GALNT13: variants seen among roughly 807,000 people sequenced by gnomAD.
GALNT13 encodes the protein UDP-GalNAc:polypeptide N-acetylgalactosaminyltransferase 13.
GALNT13 carries 28 observed loss-of-function variants against 64.2 expected under a neutral mutation model. The ratio of observed to expected loss-of-function variants is 0.44; its 90% CI spans 0.32 to 0.60. The LOEUF is 0.60. Among genes scored for constraint, GALNT13 ranks in the 20% least tolerant of loss-of-function variants. GALNT13 has a pLI of 0.05. For synonymous variants in GALNT13, 214 were observed against 224.6 expected (o/e 0.95, Z 0.42); for missense variants, 577 against 669.8 (o/e 0.86, Z 1.53).
At chr2:153,612,634 A>AAC in the GALNT13 span, among the ~76,000 whole-genome samples, 151 of 152,170 alleles carry the variant, frequency 9.9e-4, 1 homozygote, top group South Asian at 0.019. Context: ...TAAGAAAACA[A>AAC]AGAAAAAAAG....
At chr2:153,473,638 G>A in the GALNT13 span, among the ~76,000 whole-genome samples, 1 of 152,180 alleles carries the variant, frequency 6.6e-6, no homozygotes, top group Non-Finnish European at 1.5e-5. Context: ...CTGCAGACTT[G>A]CTGCTTCCAC....
At chr2:154,384,361 C>T (rs1227957912) in intron 9 of GALNT13, among the ~76,000 whole-genome samples, 1 of 151,604 alleles carries the variant, frequency 6.6e-6, no homozygotes, top group Non-Finnish European at 1.5e-5. Context: ...AATAAAGACA[C>T]CTATTTAACT....
intron 3 of GALNT13, among the ~76,000 whole-genome samples, chr2:154,113,221 A>T (rs1703086359): frequency 2.6e-4 from 1 of 3,774 alleles, no homozygotes; most frequent in Non-Finnish European, 4.6e-4. Context: ...TGATCCACCT[A>T]TGGGGGCCTG....
the GALNT13 span, among the ~76,000 whole-genome samples, chr2:153,649,546 AT>A: frequency 1.4e-5 from 2 of 146,620 alleles, no homozygotes; most frequent in African/African-American, 5.1e-5. Context: ...AGTTCTTTTA[AT>A]TGTGATGTTA....
At chr2:154,084,520 G>T (rs1182650809) in intron 3 of GALNT13, among the ~76,000 whole-genome samples, 3 of 151,760 alleles carry the variant, frequency 2.0e-5, no homozygotes, top group Non-Finnish European at 4.4e-5. Flanking sequence ...AGTCTACTTG[G>T]AAACATATTT....
At chr2:153,550,375 C>T in the GALNT13 span, among the ~76,000 whole-genome samples, 1 of 151,916 alleles carries the variant, frequency 6.6e-6, no homozygotes, top group South Asian at 2.1e-4. Flanking sequence ...GCTGGGATTA[C>T]AGATGTGCAC....
At chr2:153,585,903 T>C in the GALNT13 span, among the ~76,000 whole-genome samples, 1 of 151,964 alleles carries the variant, frequency 6.6e-6, no homozygotes, top group East Asian at 1.9e-4. Flanking sequence ...AAAGAAGAAA[T>C]AAAGCCTTTC....
rs74873681 is a variant in GALNT13, at chr2:154,038,951, C to T, written c.142+94312C>T. Among the ~76,000 whole-genome samples the T allele has an allele frequency of 6.8e-3, 1,035 of 151,992 alleles. 14 individuals carry two copies. Among genetic ancestry groups the T allele is most frequent in the African/African-American group, 0.024 (1,007 of 41,500 alleles). ...TTCTATTAAAAATGGACAAAAAAAT[C>T]TGAGTAGACATTTCTCAATAGAAGA... is the stretch of plus-strand genomic sequence containing the variant. On this transcript the variant is annotated intron_variant, in intron 3 of 12. Coordinates refer to ENST00000392825, the MANE Select transcript of GALNT13 (RefSeq NM_052917.4).
chr2:154,378,927 C>G (rs975097740), intron 9 of GALNT13, among the ~76,000 whole-genome samples: 1 of 152,026 alleles, frequency 6.6e-6, no homozygotes, highest in African/African-American at 2.4e-5. Flanking sequence ...ATTGTCAAGA[C>G]TCTTCTCTCT....
chr2:153,271,194 C>T, the GALNT13 span, among the ~76,000 whole-genome samples: 2 of 152,122 alleles, frequency 1.3e-5, no homozygotes, highest in African/African-American at 4.8e-5. Flanking sequence ...GAAGAATTCC[C>T]TTTGAAAACC....
the GALNT13 span, among the ~76,000 whole-genome samples, chr2:153,423,859 C>CA: frequency 3.7e-3 from 554 of 150,048 alleles, 3 homozygotes; most frequent in Middle Eastern, 0.014. Flanking sequence ...TCTATACTTT[C>CA]AAAAAAAACC....
At chr2:153,866,365 C>T in the GALNT13 span, among the ~76,000 whole-genome samples, 20 of 152,188 alleles carry the variant, frequency 1.3e-4, no homozygotes, top group East Asian at 1.4e-3. Context: ...ATTTACTGTA[C>T]GAAAGGCACT....
At chr2:153,727,658 G>A in the GALNT13 span, among the ~76,000 whole-genome samples, 1 of 151,740 alleles carries the variant, frequency 6.6e-6, no homozygotes, top group Non-Finnish European at 1.5e-5. Flanking sequence ...CTATATTTTG[G>A]GTGTATAAAA....
chr2:153,523,678 GCTGTAATCA>G, the GALNT13 span, among the ~76,000 whole-genome samples: 1 of 152,158 alleles, frequency 6.6e-6, no homozygotes. Flanking sequence ...TGGCAATCAT[GCTGTAATCA>G]CTTACCAGTT....
intron 4 of GALNT13, among the ~76,000 whole-genome samples, chr2:154,180,257 A>AAT (rs1685881106): frequency 6.6e-6 from 1 of 152,150 alleles, no homozygotes; most frequent in South Asian, 2.1e-4. Flanking sequence ...GACTCATAAC[A>AAT]ATATAGAAAT....
At chr2:153,961,393 T>C (rs1180274193) in intron 3 of GALNT13, among the ~76,000 whole-genome samples, 2 of 152,194 alleles carry the variant, frequency 1.3e-5, no homozygotes, top group African/African-American at 4.8e-5. Context: ...AACAGCATAT[T>C]CTATGCAAAT....
At chr2:153,361,846 A>C in the GALNT13 span, among the ~76,000 whole-genome samples, 1 of 152,160 alleles carries the variant, frequency 6.6e-6, no homozygotes, top group Non-Finnish European at 1.5e-5. Flanking sequence ...AAGGCAGGCC[A>C]ATATTCAAGT....
At chr2:153,956,312 A>G (rs1365471513) in intron 3 of GALNT13, among the ~76,000 whole-genome samples, 1 of 152,232 alleles carries the variant, frequency 6.6e-6, no homozygotes, top group African/African-American at 2.4e-5. Context: ...AGATCACAGG[A>G]TTGAAAATAA....
At chr2:153,326,594 A>C in the GALNT13 span, among the ~76,000 whole-genome samples, 1 of 152,042 alleles carries the variant, frequency 6.6e-6, no homozygotes, top group Non-Finnish European at 1.5e-5. Context: ...TGGTCTTTAC[A>C]TTTTGGTATG....
Sources: gnomAD v4.1 joint callset for allele counts (sites outside exome capture counted in the v4.1 genomes callset) on GRCh38, gnomAD v4.1.1 for gene constraint, MANE v1.5 for transcripts, NCBI Gene and HGNC (gene_info 2026-07-23, HGNC 2026-07-21) for gene names.